TENM3: variants seen among roughly 807,000 people sequenced by gnomAD.
TENM3 encodes teneurin-3.
Under a neutral mutation model 255.1 loss-of-function variants are expected in TENM3, and 63 were observed. The observed-to-expected ratio is 0.25, with a 90% CI of 0.20 to 0.30. The LOEUF is 0.30. Ranked by LOEUF, TENM3 falls within the 10% of genes least tolerant of loss-of-function variation. The pLI, the probability that TENM3 is intolerant of heterozygous loss-of-function variation, is 1.00. For missense variants in TENM3, 2,929 were observed against 3,461.1 expected (o/e 0.85, Z 3.86); for synonymous variants, 1,306 against 1,322.3 (o/e 0.99, Z 0.27).
chr4:181,888,618 G>GTGTGTGTGGA, the TENM3 span, among the ~76,000 whole-genome samples: 253 of 111,770 alleles, frequency 2.3e-3, 5 homozygotes, highest in East Asian at 7.1e-3. Flanking sequence ...GTGTGTGTGT[G>GTGTGTGTGGA]GAAAGAGAGA....
At chr4:182,227,637 C>CT (rs531262242) in intron 1 of TENM3, among the ~76,000 whole-genome samples, 9,726 of 127,150 alleles carry the variant, frequency 0.076, 344 homozygotes, top group East Asian at 0.14. Context: ...ATGTGCAGGG[C>CT]TTTTTTTTTT....
At chr4:182,212,289 C>T (rs930349330) in intron 1 of TENM3, among the ~76,000 whole-genome samples, 35 of 152,190 alleles carry the variant, frequency 2.3e-4, no homozygotes, top group Non-Finnish European at 5.0e-4. Flanking sequence ...CCACATGGCT[C>T]CCACGCTGTT....
chr4:181,649,139 G>C, the TENM3 span, among the ~76,000 whole-genome samples: 1 of 152,158 alleles, frequency 6.6e-6, no homozygotes, highest in Non-Finnish European at 1.5e-5. Context: ...ATTTCTAGCA[G>C]AGAAGGAATT....
At chr4:182,100,676 TATAC>T in the TENM3 span, among the ~76,000 whole-genome samples, 117 of 48,026 alleles carry the variant, frequency 2.4e-3, 2 homozygotes, top group South Asian at 0.023. Context: ...TACACATATA[TATAC>T]ACACATATAT....
At chr4:182,269,073 A>T (rs1296035641) in intron 1 of TENM3, among the ~76,000 whole-genome samples, 3 of 150,920 alleles carry the variant, frequency 2.0e-5, no homozygotes, top group African/African-American at 7.4e-5. Flanking sequence ...TTTGCTCTTT[A>T]AAAAAAAATA....
At chr4:182,275,160 T>A (rs376250525) in intron 1 of TENM3, among the ~76,000 whole-genome samples, 2 of 152,270 alleles carry the variant, frequency 1.3e-5, no homozygotes, top group East Asian at 3.9e-4. Context: ...GATTAGTTGG[T>A]TAGTTTTTAT....
chr4:181,651,006 A>T, the TENM3 span, among the ~76,000 whole-genome samples: 1 of 152,200 alleles, frequency 6.6e-6, no homozygotes, highest in African/African-American at 2.4e-5. Flanking sequence ...CTTACTTGTT[A>T]GGTGATTTCT....
chr4:182,773,239 CT>C (rs2152797221), intron 22 of TENM3, among the ~76,000 whole-genome samples: 1 of 152,272 alleles, frequency 6.6e-6, no homozygotes, highest in African/African-American at 2.4e-5. Context: ...GAATCATGTG[CT>C]GAGATGGAGA....
chr4:181,613,848 G>T, the TENM3 span, among the ~76,000 whole-genome samples: 1 of 152,098 alleles, frequency 6.6e-6, no homozygotes, highest in Non-Finnish European at 1.5e-5. Flanking sequence ...TCATTAGTGG[G>T]CTAAGAGTGT....
the TENM3 span, among the ~76,000 whole-genome samples, chr4:181,973,417 C>A: frequency 3.9e-5 from 6 of 152,116 alleles, no homozygotes; most frequent in Admixed American, 3.9e-4. Context: ...AGAACCAGAG[C>A]AGAGAAAACG....
the TENM3 span, among the ~76,000 whole-genome samples, chr4:181,624,105 C>T: frequency 6.6e-6 from 1 of 152,146 alleles, no homozygotes; most frequent in Non-Finnish European, 1.5e-5. Context: ...ACCAGCCTAG[C>T]GTCTACTATA....
the TENM3 span, chr4:181,906,156 G>C: frequency 3.8e-6 from 1 of 266,308 alleles, no homozygotes; most frequent in Middle Eastern, 7.4e-4. Flanking sequence ...ACAGTAAGCA[G>C]CCATCAATGT....
At chr4:181,849,949 T>TCTCTCTCTCACA in the TENM3 span, among the ~76,000 whole-genome samples, 300 of 65,950 alleles carry the variant, frequency 4.5e-3, 11 homozygotes, top group Admixed American at 0.034. Flanking sequence ...TCTCTCTCTC[T>TCTCTCTCTCACA]CACACACACA....
the TENM3 span, among the ~76,000 whole-genome samples, chr4:182,025,932 C>T: frequency 4.6e-5 from 7 of 152,088 alleles, no homozygotes; most frequent in East Asian, 3.9e-4. Flanking sequence ...CCCATCAACT[C>T]GTCATTTACA....
chr4:182,389,703 T>TTTTTTTTTTG (rs1561396830), intron 3 of TENM3, among the ~76,000 whole-genome samples: 1 of 148,414 alleles, frequency 6.7e-6, no homozygotes. Flanking sequence ...TTTTTTTTTT[T>TTTTTTTTTTG]GAGACGGAGT....
At chr4:182,196,566 G>A (rs1296462327) in intron 1 of TENM3, among the ~76,000 whole-genome samples, 3 of 152,064 alleles carry the variant, frequency 2.0e-5, no homozygotes, top group Non-Finnish European at 2.9e-5. Flanking sequence ...TGTTTTCACC[G>A]TCATTGCCCT....
chr4:181,791,031 G>A, the TENM3 span, among the ~76,000 whole-genome samples: 1 of 152,162 alleles, frequency 6.6e-6, no homozygotes, highest in Non-Finnish European at 1.5e-5. Context: ...TGCTTTCATG[G>A]GGCATGTACA....
intron 1 of TENM3, among the ~76,000 whole-genome samples, chr4:182,230,332 C>A (rs965076035): frequency 6.6e-6 from 1 of 152,034 alleles, no homozygotes; most frequent in Non-Finnish European, 1.5e-5. Context: ...TCAGAAGAGA[C>A]CTCAGGGACC....
At chr4:182,425,427 T>G (rs537022845) in intron 3 of TENM3, among the ~76,000 whole-genome samples, 1 of 152,282 alleles carries the variant, frequency 6.6e-6, no homozygotes, top group Admixed American at 6.5e-5. Context: ...ATCTCCTGTA[T>G]CTTAGTAATT....
Sources: gnomAD v4.1 joint callset for allele counts (sites outside exome capture counted in the v4.1 genomes callset) on GRCh38, gnomAD v4.1.1 for gene constraint, MANE v1.5 for transcripts, NCBI Gene and HGNC (gene_info 2026-07-23, HGNC 2026-07-21) for gene names.